Variants in FBXL7 observed in about 807,000 individuals in gnomAD.
The protein encoded by FBXL7 is F-box and leucine rich repeat protein 7, also known as F-box/LRR-repeat protein 7.
FBXL7 carries 12 observed loss-of-function variants against 38.3 expected under a neutral mutation model. The ratio of observed to expected loss-of-function variants is 0.31; its 90% CI spans 0.20 to 0.51. The LOEUF (loss-of-function observed/expected upper bound fraction) is 0.51. FBXL7 is among the 20% of genes least tolerant of loss of function. The pLI, the probability that FBXL7 is intolerant of heterozygous loss-of-function variation, is 0.98. For synonymous variants in FBXL7, 297 were observed against 300.9 expected, an observed-to-expected ratio of 0.99 and a Z score of 0.13; for missense variants, 567 against 676.4, an observed-to-expected ratio of 0.84 and a Z score of 1.79.
intron 2 of FBXL7, among the ~76,000 whole-genome samples, chr5:15,801,650 T>TGC (rs1266785106): frequency 1.4e-5 from 2 of 146,728 alleles, no homozygotes; most frequent in Admixed American, 6.8e-5. Context: ...TGTGTGTGTG[T>TGC]GTGTGTGCGC....
chr5:15,658,258 T>G (rs548530739), intron 2 of FBXL7, among the ~76,000 whole-genome samples: 1 of 152,204 alleles, frequency 6.6e-6, no homozygotes, highest in Non-Finnish European at 1.5e-5. Context: ...TACTCTTTAA[T>G]ACATTTATTT....
intron 2 of FBXL7, among the ~76,000 whole-genome samples, chr5:15,832,040 T>TCTACTCTACTCTACTCTACTCTA (rs2126774751): frequency 6.6e-6 from 1 of 152,194 alleles, no homozygotes; most frequent in South Asian, 2.1e-4. Flanking sequence ...TGCTATAAAC[T>TCTACTCTACTCTACTCTACTCTA]CTCTACTCTA....
intron 2 of FBXL7, among the ~76,000 whole-genome samples, chr5:15,655,162 A>G (rs538768422): frequency 6.6e-6 from 1 of 152,340 alleles, no homozygotes; most frequent in African/African-American, 2.4e-5. Context: ...AAAATAAGCA[A>G]AGGTTACACT....
chr5:15,720,202 C>T lies in FBXL7; in HGVS notation c.127+104130C>T, dbSNP rs570923098. Among the ~76,000 whole-genome samples the T allele has an allele frequency of 2.0e-5, 3 of 149,200 alleles. 1 individual carries two copies. In the South Asian group the frequency reaches 6.6e-4, roughly 33 times the overall value. On this transcript the variant is annotated intron_variant, in intron 2 of 3. Coordinates refer to ENST00000504595, the MANE Select transcript of FBXL7 (RefSeq NM_012304.5). Reference sequence around the variant, plus strand: ...CAATCATGACTATTAGCATTATCTTCTGAGTATAGTTGTAATGAGCCCACA... The same window carrying T: ...CAATCATGACTATTAGCATTATCTTTTGAGTATAGTTGTAATGAGCCCACA...
intron 2 of FBXL7, among the ~76,000 whole-genome samples, chr5:15,905,793 A>C (rs1466341029): frequency 6.6e-6 from 1 of 152,156 alleles, no homozygotes; most frequent in African/African-American, 2.4e-5. Context: ...CATAAGAAAG[A>C]AAACAGAAGG....
intron 1 of FBXL7, among the ~76,000 whole-genome samples, chr5:15,560,430 A>G (rs894494350): frequency 7.9e-5 from 12 of 152,208 alleles, no homozygotes; most frequent in Admixed American, 2.0e-4. Context: ...AAAAGGAGGA[A>G]GCATTCAGAA....
chr5:15,930,169 C>T (rs766314169), intron 3 of FBXL7, among the ~76,000 whole-genome samples: 25 of 152,146 alleles, frequency 1.6e-4, no homozygotes, highest in African/African-American at 5.3e-4. Context: ...CCAGTGGCAT[C>T]GAGAAGCAGG....
At chr5:15,872,502 T>C (rs1238771639) in intron 2 of FBXL7, among the ~76,000 whole-genome samples, 1 of 151,740 alleles carries the variant, frequency 6.6e-6, no homozygotes, top group Admixed American at 6.6e-5. Flanking sequence ...GGATAGAGAG[T>C]CTAGGCCCAT....
intron 2 of FBXL7, among the ~76,000 whole-genome samples, chr5:15,859,482 G>T (rs531765781): frequency 2.6e-5 from 4 of 152,126 alleles, no homozygotes; most frequent in Non-Finnish European, 5.9e-5. Context: ...GCAAGACAAG[G>T]TAACTGATAA....
At chr5:15,815,911 A>G (rs1738001072) in intron 2 of FBXL7, among the ~76,000 whole-genome samples, 1 of 152,198 alleles carries the variant, frequency 6.6e-6, no homozygotes, top group African/African-American at 2.4e-5. Flanking sequence ...ATATGTTTAT[A>G]TGTGAAACGT....
chr5:15,836,909 C>T (rs1174482966), intron 2 of FBXL7, among the ~76,000 whole-genome samples: 1 of 152,174 alleles, frequency 6.6e-6, no homozygotes, highest in Non-Finnish European at 1.5e-5. Context: ...CACCCTTTCT[C>T]CAGGCAAGAC....
chr5:15,642,804 G>A (rs1314201329), intron 2 of FBXL7, among the ~76,000 whole-genome samples: 1 of 152,118 alleles, frequency 6.6e-6, no homozygotes, highest in African/African-American at 2.4e-5. Flanking sequence ...CACATTCCTA[G>A]TCTCCTAAAA....
chr5:15,820,419 C>T (rs554780007), intron 2 of FBXL7, among the ~76,000 whole-genome samples: 1 of 152,058 alleles, frequency 6.6e-6, no homozygotes, highest in African/African-American at 2.4e-5. Flanking sequence ...TCTTACCCCG[C>T]CTTTCACTGG....
chr5:15,927,534 G>A (rs114514429), intron 2 of FBXL7, among the ~76,000 whole-genome samples: 15,054 of 152,078 alleles, frequency 0.099, 962 homozygotes, highest in Admixed American at 0.23. Flanking sequence ...CATTTTGGTA[G>A]GCCAAGGCGG....
intron 1 of FBXL7, among the ~76,000 whole-genome samples, chr5:15,534,713 A>G (rs1315197240): frequency 6.6e-6 from 1 of 152,194 alleles, no homozygotes; most frequent in Non-Finnish European, 1.5e-5. Flanking sequence ...ATTAGAGTTT[A>G]CTTAGTTTTG....
chr5:15,649,479 G>A (rs1741637941), intron 2 of FBXL7, among the ~76,000 whole-genome samples: 1 of 152,218 alleles, frequency 6.6e-6, no homozygotes, highest in Non-Finnish European at 1.5e-5. Context: ...TTCATGGGCA[G>A]TGAGGACAGT....
intron 2 of FBXL7, among the ~76,000 whole-genome samples, chr5:15,767,909 T>C (rs575281265): frequency 1.3e-5 from 2 of 152,336 alleles, no homozygotes; most frequent in South Asian, 4.1e-4. Context: ...AAGAAATTTC[T>C]TAATAATCAC....
At chr5:15,802,933 G>A (rs896703318) in intron 2 of FBXL7, among the ~76,000 whole-genome samples, 10 of 152,104 alleles carry the variant, frequency 6.6e-5, no homozygotes, top group Admixed American at 2.0e-4. Flanking sequence ...GATTATAGGC[G>A]TGAGCCACGG....
At chr5:15,702,718 A>G (rs904558668) in intron 2 of FBXL7, among the ~76,000 whole-genome samples, 1 of 152,198 alleles carries the variant, frequency 6.6e-6, no homozygotes, top group African/African-American at 2.4e-5. Flanking sequence ...AAATATTTTT[A>G]ATTGAGAAAA....
Sources: gnomAD v4.1 joint callset for allele counts (sites outside exome capture counted in the v4.1 genomes callset) on GRCh38, gnomAD v4.1.1 for gene constraint, MANE v1.5 for transcripts, NCBI Gene and HGNC (gene_info 2026-07-23, HGNC 2026-07-21) for gene names.